The following ZKSCAN8 variants were observed in gnomAD, a reference collection of about 807,000 sequenced individuals.
The protein encoded by ZKSCAN8 is zinc finger with KRAB and SCAN domains 8.
Under a neutral mutation model 57.2 loss-of-function variants are expected in ZKSCAN8, and 27 were observed. The ratio of observed to expected loss-of-function variants is 0.47; its 90% CI spans 0.35 to 0.65. The LOEUF (loss-of-function observed/expected upper bound fraction) is 0.65, where lower values mean the gene tolerates loss of function less well. ZKSCAN8 is among the 30% of genes least tolerant of loss of function. The probability of loss-of-function intolerance (pLI) is 0.01; values close to 1 mark genes in which losing one functional copy is unlikely to be tolerated. For synonymous variants in ZKSCAN8, 214 were observed against 248.7 expected, an observed-to-expected ratio of 0.86 and a Z score of 1.31; for missense variants, 597 against 696.3, an observed-to-expected ratio of 0.86 and a Z score of 1.60.
In ZKSCAN8 at chr6:28,148,437, C is replaced by G. The variant is rs143435480; in HGVS notation, c.30C>G (p.Ala10=). ...CTGAAGAATCAAGAAAGCCTTCAGC[C>G]CCATCCCCACCAGACCAGACTCCTG... The part of the protein sequence containing the change: MAEESRKPS[A]PSPPDQTPEE... The change falls in exon 2 of 6, where the codon GCC becomes GCG. Residue 10 remains alanine (A), a synonymous_variant. Transcript: ENST00000330236. 6.8e-6 allele frequency: 11 copies of G among 1,613,878 alleles called. No individual in the cohort carries two copies. Among genetic ancestry groups the G allele is most frequent in the Middle Eastern group, 1.7e-4 (1 of 6,060 alleles).
chr6:28,156,015 A>G lies in ZKSCAN8; in HGVS notation c.*1998A>G. The G allele has an allele frequency of 2.5e-6, 1 of 397,092 alleles. No individual in the cohort carries two copies. 24.6% of individuals were successfully genotyped at this position (397,092 alleles called of 1,614,324 possible). On this transcript the variant is annotated 3_prime_UTR_variant, in exon 6 of 6. Transcript: ENST00000330236. Reference sequence around the variant, plus strand: ...ATTTTAAGAAACCAGAAACAAGTAAATCTGGTTGTATCTAGATCTTTGCTC... The same window carrying G: ...ATTTTAAGAAACCAGAAACAAGTAAGTCTGGTTGTATCTAGATCTTTGCTC...
chr6:28,146,668 C>T (rs1339186616), intron 1 of ZKSCAN8, among the ~76,000 whole-genome samples: 4 of 152,062 alleles, frequency 2.6e-5, no homozygotes, highest in Admixed American at 6.6e-5. Flanking sequence ...ATTTTGAAAA[C>T]GAACAACAAA....
chr6:28,143,804 G>C (rs1289537861), intron 1 of ZKSCAN8, among the ~76,000 whole-genome samples: 1 of 152,058 alleles, frequency 6.6e-6, no homozygotes, highest in Non-Finnish European at 1.5e-5. Flanking sequence ...GAAAATTTAA[G>C]AGTTTGTTTT....
chr6:28,152,681 A>G (rs1581527434), intron 5 of ZKSCAN8, among the ~76,000 whole-genome samples: 1 of 151,956 alleles, frequency 6.6e-6, no homozygotes, highest in East Asian at 1.9e-4. Flanking sequence ...TCCTACATAT[A>G]TTTTTCTCAC....
Position 28,156,115 on chromosome 6 carries a change from T to C in ZKSCAN8, c.*2098T>C. 1 of 398,388 alleles carries C rather than the reference T, an allele frequency of 2.5e-6. No individual in the cohort carries two copies. Among genetic ancestry groups the C allele is most frequent in the Non-Finnish European group, 4.4e-6 (1 of 225,900 alleles). 24.7% of individuals were successfully genotyped at this position (398,388 alleles called of 1,614,324 possible). A position where few individuals can be genotyped will look rare whatever the true frequency, so the allele number is the denominator to read the frequency against. The stretch of plus-strand genomic sequence containing the variant: ...GCCAGTATTACCTTGTATGCAAATA[T>C]TACATATGATGGGTGCATTGTCAGA... On this transcript the variant is annotated 3_prime_UTR_variant, in exon 6 of 6. Coordinates refer to ENST00000330236, the MANE Select transcript of ZKSCAN8 (RefSeq NM_006298.4).
chr6:28,147,470 T>G (rs1292550143), intron 1 of ZKSCAN8, among the ~76,000 whole-genome samples: 1 of 152,252 alleles, frequency 6.6e-6, no homozygotes, highest in Non-Finnish European at 1.5e-5. Flanking sequence ...ACAGCAATTT[T>G]ACCTCTGAAT....
intron 1 of ZKSCAN8, among the ~76,000 whole-genome samples, chr6:28,142,640 C>G (rs1305771410): frequency 6.6e-6 from 1 of 152,020 alleles, no homozygotes; most frequent in Non-Finnish European, 1.5e-5. Flanking sequence ...TGGGAGGGCC[C>G]CATTTCCAAA....
At position 28,153,346 on chromosome 6, in the gene ZKSCAN8, G is replaced by C; in HGVS notation, c.1066G>C (p.Gly356Arg). The C allele has an allele frequency of 2.5e-6, 4 of 1,614,102 alleles. No homozygotes were observed. The highest frequency in any genetic ancestry group is 3.4e-6 in the Non-Finnish European group (4 of 1,180,030). Residue 356 changes from glycine to arginine, a missense_variant, in exon 6 of 6, where the codon GGT (glycine) becomes CGT (arginine). Physicochemically the swap from Gly to Arg is moderately radical, Grantham distance 125. Transcript: ENST00000330236. ...GAAACCCTATCAGTGTAATGTGTGT[G>C]GTAAAGCCTTCAGTTACAGGTCAGC... is the stretch of plus-strand genomic sequence containing the variant. ...GEKPYQCNVC[G>R]KAFSYRSALL...
chr6:28,149,906 A>G (rs1765536851), intron 3 of ZKSCAN8, among the ~76,000 whole-genome samples: 2 of 151,782 alleles, frequency 1.3e-5, no homozygotes, highest in African/African-American at 4.8e-5. Context: ...GGTTAGTTAC[A>G]TATGTATACA....
chr6:28,148,351 C>T lies in ZKSCAN8; in HGVS notation c.-57C>T, dbSNP rs1349139914. 3 of 1,543,620 alleles carry T rather than the reference C, an allele frequency of 1.9e-6. No homozygotes were observed. The highest frequency in any genetic ancestry group is 1.8e-4 in the Middle Eastern group (1 of 5,688). ...AGAAAGAGGCCCTCAGAAGAGTCTT[C>T]TCTTAAGAAGATAAAGAAGGTAGTG... On this transcript the variant is annotated 5_prime_UTR_variant, in exon 2 of 6. Transcript: ENST00000330236.
chr6:28,156,041 T>A lies in ZKSCAN8; in HGVS notation c.*2024T>A, dbSNP rs1271195346. On this transcript the variant is annotated 3_prime_UTR_variant, in exon 6 of 6. Coordinates refer to ENST00000330236, the MANE Select transcript of ZKSCAN8 (RefSeq NM_006298.4). The stretch of plus-strand genomic sequence containing the variant: ...TCTGGTTGTATCTAGATCTTTGCTC[T>A]GTGTTTCAGTTGTGCCTTACCCTCT... 2.3e-5 allele frequency: 9 copies of A among 397,658 alleles called. No homozygotes were observed. Among genetic ancestry groups the A allele is most frequent in the Non-Finnish European group, 4.0e-5 (9 of 225,482 alleles). 24.6% of individuals were successfully genotyped at this position (397,658 alleles called of 1,614,324 possible).
intron 1 of ZKSCAN8, among the ~76,000 whole-genome samples, chr6:28,143,308 T>A (rs765992173): frequency 6.6e-6 from 1 of 152,086 alleles, no homozygotes; most frequent in Non-Finnish European, 1.5e-5. Flanking sequence ...AAATGGAAAA[T>A]TAGCCACTAA....
Position 28,148,497 on chromosome 6 carries a change from T to C in ZKSCAN8, c.90T>C (p.Asp30=), listed in dbSNP as rs1040979899. 6.8e-6 allele frequency: 11 copies of C among 1,613,916 alleles called. No homozygotes were observed. The highest frequency in any genetic ancestry group is 7.6e-6 in the Non-Finnish European group (9 of 1,180,000). The part of the protein sequence containing the change: ...EDLVIVKVEE[D]HGWDQESSLH... ...TTGTAATCGTCAAGGTAGAGGAGGATCATGGTTGGGACCAGGAATCTAGTC... is the reference window on the plus strand; with the variant it reads ...TTGTAATCGTCAAGGTAGAGGAGGACCATGGTTGGGACCAGGAATCTAGTC... Residue 30 remains aspartate, a synonymous_variant, in exon 2 of 6, where the codon GAT becomes GAC. Coordinates refer to ENST00000330236, the MANE Select transcript of ZKSCAN8 (RefSeq NM_006298.4).
rs1258263368 is a variant in ZKSCAN8 at position 28,144,733 on chromosome 6, A to G, written c.-93+2704A>G. Among the ~76,000 whole-genome samples the G allele has an allele frequency of 6.6e-6, 1 of 152,220 alleles. No homozygotes were observed. Among genetic ancestry groups the G allele is most frequent in the African/African-American group, 2.4e-5 (1 of 41,454 alleles). On this transcript the variant is annotated intron_variant, in intron 1 of 5. Transcript: ENST00000330236. This position sits in a 1 kb window ranked among gnomAD's most constrained non-coding sequence, Gnocchi z 4.5. ...GGGGATGACAGAGAAGAACTCATGAAAAAGGTAATAGATAAATTAGAGTTA... is the reference window on the plus strand; with the variant it reads ...GGGGATGACAGAGAAGAACTCATGAGAAAGGTAATAGATAAATTAGAGTTA...
chr6:28,143,604 A>T lies in ZKSCAN8; in HGVS notation c.-93+1575A>T, dbSNP rs184993377. ...ATAATAATAATAATATTTTATAGCCATTATGGATGAGGATTGCTCAGTAAT... is the reference window on the plus strand; with the variant it reads ...ATAATAATAATAATATTTTATAGCCTTTATGGATGAGGATTGCTCAGTAAT... On this transcript the variant is annotated intron_variant, in intron 1 of 5. Coordinates refer to ENST00000330236, the MANE Select transcript of ZKSCAN8 (RefSeq NM_006298.4). Among the ~76,000 whole-genome samples, 6 of 152,276 alleles carry T rather than the reference A, an allele frequency of 3.9e-5. No homozygotes were observed. The East Asian group carries it at 1.2e-3, about 29-fold the overall frequency.
chr6:28,154,080 G>T lies in ZKSCAN8; in HGVS notation c.*63G>T, dbSNP rs1054846732. 2.6e-6 allele frequency: 4 copies of T among 1,510,830 alleles called. No individual in the cohort carries two copies. The highest frequency in any genetic ancestry group is 3.5e-6 in the Non-Finnish European group (4 of 1,138,120). 93.6% of individuals were successfully genotyped at this position (1,510,830 alleles called of 1,614,324 possible). On this transcript the variant is annotated 3_prime_UTR_variant, in exon 6 of 6. Coordinates refer to ENST00000330236, the MANE Select transcript of ZKSCAN8 (RefSeq NM_006298.4). ...TAGGGAAACCACACACTGGTGAGAG[G>T]TCTTTCAGTGTACTAAAAGGCAGAA...
At chr6:28,152,207 G>A in intron 4 of ZKSCAN8, 54 bp from the exon 5 acceptor site, 1 of 1,565,136 alleles carries the variant, frequency 6.4e-7, no homozygotes, top group South Asian at 1.2e-5. Context: ...AGCTCTATAG[G>A]TTTGAGCTGT....
chr6:28,150,806 T>C (rs1235261142), intron 3 of ZKSCAN8, among the ~76,000 whole-genome samples: 2 of 152,144 alleles, frequency 1.3e-5, no homozygotes, highest in African/African-American at 4.8e-5. Context: ...TGTCTTTATT[T>C]TGTTTTTGTT....
In ZKSCAN8 at chr6:28,148,438, C is replaced by G; in HGVS notation, c.31C>G (p.Pro11Ala). 6.2e-7 allele frequency: 1 copy of G among 1,613,918 alleles called. No individual in the cohort carries two copies. The highest frequency in any genetic ancestry group is 8.5e-7 in the Non-Finnish European group (1 of 1,179,870). ...TGAAGAATCAAGAAAGCCTTCAGCC[C>G]CATCCCCACCAGACCAGACTCCTGA... MAEESRKPSAPSPPDQTPEED... is the reference protein window; with the variant it reads MAEESRKPSAASPPDQTPEED... Residue 11 changes from proline (P) to alanine (A), a missense_variant, in exon 2 of 6, where the codon CCA (proline) becomes GCA (alanine). Coordinates refer to ENST00000330236, the MANE Select transcript of ZKSCAN8 (RefSeq NM_006298.4).
Sources: allele counts gnomAD v4.1 joint callset (sites outside exome capture counted in the v4.1 genomes callset), GRCh38; gene constraint gnomAD v4.1.1; non-coding constraint Gnocchi (gnomAD v3.1); transcripts MANE v1.5; gene names NCBI Gene and HGNC (gene_info 2026-07-23, HGNC 2026-07-21).